The following PKD1L3 variants were observed in gnomAD, a reference collection of about 807,000 sequenced individuals.
The protein encoded by PKD1L3 is polycystin 1 like 3, transient receptor potential channel interacting.
Under a neutral mutation model 184.1 loss-of-function variants are expected in PKD1L3, and 239 were observed. The observed-to-expected ratio is 1.30, with a 90% CI of 1.17 to 1.45. PKD1L3 has a LOEUF of 1.45. Ranked by LOEUF, PKD1L3 falls within the 40% of genes most tolerant of loss-of-function variation. PKD1L3 has a pLI of 0.00. For synonymous variants in PKD1L3, 996 were observed against 778.8 expected (o/e 1.28, Z -4.64); for missense variants, 2,660 against 2,067.2 (o/e 1.29, Z -5.56).
At chr16:71,955,872 T>C (rs966812629) in intron 16 of PKD1L3, among the ~76,000 whole-genome samples, 1 of 152,160 alleles carries the variant, frequency 6.6e-6, no homozygotes, top group African/African-American at 2.4e-5. Context: ...AGGATGTGTT[T>C]GCTTCCCCTT....
At chr16:71,991,354 G>C (rs142157354) in intron 3 of PKD1L3, 1 of 200,344 alleles carries the variant, frequency 5.0e-6, no homozygotes, top group African/African-American at 2.3e-5. Context: ...GAGAAAGGTA[G>C]AGGTAACCAA....
intron 2 of PKD1L3, among the ~76,000 whole-genome samples, chr16:71,997,453 TA>T (rs2040832845): frequency 6.9e-6 from 1 of 144,760 alleles, no homozygotes; most frequent in South Asian, 2.3e-4. Flanking sequence ...CGTCTCCACA[TA>T]AAAAAATAAA....
chr16:71,960,283 C>T (rs1397078030), intron 16 of PKD1L3, among the ~76,000 whole-genome samples: 1 of 151,582 alleles, frequency 6.6e-6, no homozygotes, highest in African/African-American at 2.4e-5. Flanking sequence ...TAAATTAAGT[C>T]CAAATGGATT....
At chr16:71,958,875 G>T (rs553207871) in intron 16 of PKD1L3, among the ~76,000 whole-genome samples, 1 of 145,984 alleles carries the variant, frequency 6.9e-6, no homozygotes, top group South Asian at 2.2e-4. Context: ...CTGCTTGAGC[G>T]CAGGAGTTTG....
rs1042712339 is a variant in PKD1L3 at position 71,986,469 on chromosome 16, A to G, written c.586T>C (p.Ser196Pro). The G allele has an allele frequency of 1.9e-6, 3 of 1,546,182 alleles. No homozygotes were observed. The highest frequency in any genetic ancestry group is 2.6e-6 in the Non-Finnish European group (3 of 1,143,676). Reference sequence around the variant, plus strand: ...CTGATGGGATGACACAGGGTCTTGGACTAAAAGATAAAAATATGTAAAGGA... The same window carrying G: ...CTGATGGGATGACACAGGGTCTTGGGCTAAAAGATAAAAATATGTAAAGGA... Reference protein sequence around the residue: ...TCHYPLPAHLSKTLCHPISQF... With the variant: ...TCHYPLPAHLPKTLCHPISQF... The change falls in exon 5 of 30, where the codon TCC becomes CCC. Residue 196 changes from serine to proline, a missense_variant and splice_region_variant. Ser to Pro is a moderately conservative substitution (Grantham distance 74, BLOSUM62 -1). Transcript: ENST00000620267.
At chr16:71,964,388 G>C (rs2143548345) in intron 15 of PKD1L3, among the ~76,000 whole-genome samples, 1 of 124,516 alleles carries the variant, frequency 8.0e-6, no homozygotes, top group Admixed American at 1.1e-4. Context: ...GCACAGGCTG[G>C]AGTGCAGTGG....
chr16:71,961,541 T>C (rs933975436), intron 16 of PKD1L3, among the ~76,000 whole-genome samples: 8 of 145,178 alleles, frequency 5.5e-5, no homozygotes, highest in Non-Finnish European at 9.1e-5. Context: ...TGCCACTCTC[T>C]TGAGGTTGCC....
At position 71,967,227 on chromosome 16, in the gene PKD1L3, AG is replaced by A. The variant is rs760921141; in HGVS notation, c.2374del (p.Leu792TrpfsTer12). The A allele has an allele frequency of 3.2e-6, 5 of 1,551,678 alleles. No individual in the cohort carries two copies. The South Asian group carries it at 5.9e-5, about 18-fold the overall frequency. On this transcript the variant is annotated frameshift_variant, in exon 15 of 30. Coordinates refer to ENST00000620267, the MANE Select transcript of PKD1L3 (RefSeq NM_181536.2). LOFTEE classifies it high-confidence loss of function. The part of the protein sequence containing the change: ...PQKTVFERGG[L>X]DVFLLTTWTS... ...CCAAGTGGTGAGAAGGAAGACATCC[AG>A]GCCCCCTCGTTCAAAGACTGTCTTC...
chr16:71,969,577 G>A (rs2039633061), intron 13 of PKD1L3, among the ~76,000 whole-genome samples: 1 of 150,382 alleles, frequency 6.6e-6, no homozygotes, highest in African/African-American at 2.5e-5. Flanking sequence ...CTCCCCAAGT[G>A]TTGGAATTAT....
intron 11 of PKD1L3, among the ~76,000 whole-genome samples, chr16:71,974,974 G>C (rs981008642): frequency 1.2e-4 from 18 of 152,104 alleles, no homozygotes; most frequent in Admixed American, 3.9e-4. Flanking sequence ...CTCTTATTAA[G>C]ACTTTTCAGT....
In PKD1L3 at chr16:71,937,144, C is replaced by G. The variant is rs1239715506; in HGVS notation, c.4452+148G>C. 1.1e-5 allele frequency: 8 copies of G among 749,540 alleles called. No homozygotes were observed. In the African/African-American group the frequency reaches 1.2e-4, roughly 12 times the overall value. The allele number at this position is 749,540 out of a possible 1,614,324, so 46.4% of individuals were successfully genotyped here. A position where few individuals can be genotyped will look rare whatever the true frequency, so the allele number is the denominator to read the frequency against. ...GATCTTAGCTCACTGCAACCTCTGC[C>G]TCCCAGGCTCAAGCAATTCTCACAT... On this transcript the variant is annotated intron_variant, in intron 25 of 29. Coordinates refer to ENST00000620267, the MANE Select transcript of PKD1L3 (RefSeq NM_181536.2).
At chr16:71,986,933 T>TTA (rs902662281) in intron 4 of PKD1L3, among the ~76,000 whole-genome samples, 1 of 138,162 alleles carries the variant, frequency 7.2e-6, no homozygotes, top group African/African-American at 2.8e-5. Flanking sequence ...TTTTTTTTTT[T>TTA]TTTTTTTTTG....
chr16:71,975,792 C>A (rs1210505865), intron 11 of PKD1L3, among the ~76,000 whole-genome samples: 1 of 152,144 alleles, frequency 6.6e-6, no homozygotes, highest in East Asian at 1.9e-4. Context: ...TAAAATCACA[C>A]AGGACTCAAT....
intron 21 of PKD1L3, among the ~76,000 whole-genome samples, chr16:71,948,983 A>G (rs532806834): frequency 6.6e-6 from 1 of 151,928 alleles, no homozygotes; most frequent in Non-Finnish European, 1.5e-5. Context: ...AAGATACAGA[A>G]CAGTCTGTAT....
At chr16:71,952,157 A>AC (rs1450377384) in intron 18 of PKD1L3, among the ~76,000 whole-genome samples, 5 of 140,370 alleles carry the variant, frequency 3.6e-5, no homozygotes, top group Non-Finnish European at 7.6e-5. Flanking sequence ...GATTCTTCCC[A>AC]CTGCTCTCTT....
chr16:71,947,359 G>T (rs2038657396), intron 22 of PKD1L3, 133 bp downstream of exon 22: 1 of 632,728 alleles, frequency 1.6e-6, no homozygotes, highest in Non-Finnish European at 2.8e-6. Context: ...CATTAGTCTT[G>T]GGCAGAAAAG....
At chr16:71,973,300 C>A (rs1382856674) in intron 12 of PKD1L3, 24 bp downstream of exon 12, 1 of 1,549,212 alleles carries the variant, frequency 6.5e-7, no homozygotes, top group Non-Finnish European at 8.7e-7. Flanking sequence ...GAAGAGAGGC[C>A]CAAGAAGCGG....
At chr16:71,943,308 G>C (rs549332790) in intron 23 of PKD1L3, among the ~76,000 whole-genome samples, 1 of 151,894 alleles carries the variant, frequency 6.6e-6, no homozygotes, top group Admixed American at 6.6e-5. Context: ...AAGCTGAGAC[G>C]GGCAGATCAC....
chr16:71,983,654 A>ATTT (rs1555525072), intron 6 of PKD1L3, among the ~76,000 whole-genome samples: 1 of 104,854 alleles, frequency 9.5e-6, no homozygotes, highest in Non-Finnish European at 1.9e-5. Context: ...CAATCTCCAG[A>ATTT]TTCTCTTTCT....
Sources: gnomAD v4.1 joint callset for allele counts (sites outside exome capture counted in the v4.1 genomes callset) on GRCh38, gnomAD v4.1.1 for gene constraint, MANE v1.5 for transcripts, NCBI Gene and HGNC (gene_info 2026-07-23, HGNC 2026-07-21) for gene names.